The following LRIG2 variants were observed in gnomAD, a reference collection of about 807,000 sequenced individuals.
LRIG2 encodes leucine-rich repeats and immunoglobulin-like domains protein 2.
In LRIG2, 93 loss-of-function variants were observed where a neutral mutation model predicts 107.8. The observed-to-expected ratio is 0.86, with a 90% CI of 0.73 to 1.03. LRIG2 has a LOEUF of 1.03. Ranked by LOEUF, LRIG2 falls within the 50% of genes least tolerant of loss-of-function variation. The pLI is 0.00. For missense variants in LRIG2, 1,226 were observed against 1,296.0 expected (o/e 0.95, Z 0.83); for synonymous variants, 471 against 470.6 (o/e 1.00, Z -0.01).
intron 17 of LRIG2, 152 bp from the exon 18 acceptor site, chr1:113,123,723 G>GTT (rs139220276): frequency 0.067 from 36,717 of 544,354 alleles, 566 homozygotes; most frequent in South Asian, 0.085. Flanking sequence ...TCTGGTGGTG[G>GTT]TTTTTGTGTG....
chr1:113,097,449 C>T (rs2101039876), intron 8 of LRIG2, among the ~76,000 whole-genome samples: 1 of 152,068 alleles, frequency 6.6e-6, no homozygotes, highest in African/African-American at 2.4e-5. Context: ...TATATACATG[C>T]ACAGGTGTGT....
intron 1 of LRIG2, among the ~76,000 whole-genome samples, chr1:113,087,416 G>A (rs900035814): frequency 2.6e-5 from 4 of 152,062 alleles, no homozygotes; most frequent in Non-Finnish European, 2.9e-5. Flanking sequence ...TGGCACGATC[G>A]CAGCTCACTG....
intron 1 of LRIG2, among the ~76,000 whole-genome samples, chr1:113,090,875 A>G (rs1002687140): frequency 8.6e-5 from 13 of 150,980 alleles, no homozygotes; most frequent in Non-Finnish European, 1.5e-4. Flanking sequence ...TTTTTGAGAC[A>G]GAATCTTGCT....
chr1:113,081,514 G>A (rs1217883592), intron 1 of LRIG2, among the ~76,000 whole-genome samples: 3 of 151,924 alleles, frequency 2.0e-5, no homozygotes, highest in Non-Finnish European at 4.4e-5. Context: ...TAGTAGAGAC[G>A]GGGTTTCACC....
chr1:113,098,501 T>A (rs953825464), intron 8 of LRIG2, among the ~76,000 whole-genome samples: 1 of 151,994 alleles, frequency 6.6e-6, no homozygotes, highest in Admixed American at 6.5e-5. Flanking sequence ...AAGAATCAGT[T>A]CTTACGTGTT....
intron 8 of LRIG2, among the ~76,000 whole-genome samples, chr1:113,097,653 G>A (rs571813944): frequency 6.6e-6 from 1 of 152,166 alleles, no homozygotes; most frequent in East Asian, 1.9e-4. Context: ...ATTACTTTTA[G>A]AATTAAAGTT....
In LRIG2 at chr1:113,114,589, A is replaced by G. The variant is rs779163209; in HGVS notation, c.2243A>G (p.Asn748Ser). Residue 748 changes from asparagine (N) to serine (S), a missense_variant, in exon 15 of 18, where the codon AAT becomes AGT. Asn to Ser is a conservative substitution (Grantham distance 46). Around this residue, in one of 3 missense-constraint regions of LRIG2, gnomAD observed 642 missense variants for 712.2 expected, o/e 0.90. Coordinates refer to ENST00000361127, the MANE Select transcript of LRIG2 (RefSeq NM_014813.3). Reference protein sequence around the residue: ...VTERHFFAAANQLLIIVDAGL... With the variant: ...VTERHFFAAASQLLIIVDAGL... ...GAACGACATTTCTTTGCTGCAGCCAATCAGCTTCTCATCATTGTAGATGCC... is the reference window on the plus strand; with the variant it reads ...GAACGACATTTCTTTGCTGCAGCCAGTCAGCTTCTCATCATTGTAGATGCC... The G allele has an allele frequency of 4.3e-6, 7 of 1,613,970 alleles. No individual in the cohort carries two copies. Among genetic ancestry groups the G allele is most frequent in the South Asian group, 1.1e-5 (1 of 91,076 alleles).
Position 113,094,598 on chromosome 1 carries a change from T to G in LRIG2, c.660-14T>G, listed in dbSNP as rs572150866. 491 of 1,606,828 alleles carry G rather than the reference T, an allele frequency of 3.1e-4. 2 individuals are homozygous for G. In the South Asian group the frequency reaches 5.0e-3, roughly 16 times the overall value. On this transcript the variant is annotated splice_polypyrimidine_tract_variant and intron_variant, in intron 5 of 17. Transcript: ENST00000361127. ...CAAACCAATTTCCTGACTGTAAAAC[T>G]ATTTTTGTTAAAGGGAACTTAAAAG...
In LRIG2 at chr1:113,112,497, A is replaced by G; in HGVS notation, c.1817A>G (p.Lys606Arg). The G allele has an allele frequency of 1.3e-6, 2 of 1,595,058 alleles. No homozygotes were observed. The highest frequency in any genetic ancestry group is 1.1e-5 in the South Asian group (1 of 88,932). ...GAAACAGAGATGCCATCTTTTCTGA[A>G]AACGCCAATGGATCTGACTATTCGC... is the stretch of plus-strand genomic sequence containing the variant. ...LTVNEMPSFL[K>R]TPMDLTIRTG... The change falls in exon 14 of 18, where the codon AAA becomes AGA. Residue 606 changes from lysine (K) to arginine (R), a missense_variant. This residue lies in a region of LRIG2 where 642 missense variants were observed against 712.2 expected (regional missense o/e 0.90). Transcript: ENST00000361127.
At chr1:113,104,902 C>T (rs1364385694) in intron 11 of LRIG2, among the ~76,000 whole-genome samples, 2 of 152,126 alleles carry the variant, frequency 1.3e-5, no homozygotes, top group Non-Finnish European at 2.9e-5. Context: ...AATCCCAGTA[C>T]TTTGGGAGGC....
intron 11 of LRIG2, among the ~76,000 whole-genome samples, chr1:113,102,108 A>G (rs892728005): frequency 1.3e-5 from 2 of 152,214 alleles, no homozygotes; most frequent in East Asian, 1.9e-4. Context: ...ATGGCAAACC[A>G]TGTGAACACT....
At chr1:113,088,286 G>A (rs768621315) in intron 1 of LRIG2, among the ~76,000 whole-genome samples, 1 of 152,068 alleles carries the variant, frequency 6.6e-6, no homozygotes, top group Non-Finnish European at 1.5e-5. Flanking sequence ...GGTATCCTTT[G>A]GGTTGCATTG....
At position 113,099,093 on chromosome 1, in the gene LRIG2, T is replaced by C. The variant is rs187791992; in HGVS notation, c.1172+308T>C. On this transcript the variant is annotated intron_variant, in intron 9 of 17. Coordinates refer to ENST00000361127, the MANE Select transcript of LRIG2 (RefSeq NM_014813.3). ...CTTGGATTACAAGCGCATGCCACCA[T>C]GCCCAGCTAATTTTTGTATTTTTAG... Among the ~76,000 whole-genome samples, 1,446 of 152,092 alleles carry C rather than the reference T, an allele frequency of 9.5e-3. 33 individuals are homozygous for C. The highest frequency in any genetic ancestry group is 0.033 in the African/African-American group (1,363 of 41,502).
chr1:113,087,217 T>A (rs1229057126), intron 1 of LRIG2, among the ~76,000 whole-genome samples: 1 of 152,166 alleles, frequency 6.6e-6, no homozygotes, highest in Non-Finnish European at 1.5e-5. Flanking sequence ...TAAAAAAAAA[T>A]TATGCAAACC....
chr1:113,074,968 A>G (rs1462519474), intron 1 of LRIG2, among the ~76,000 whole-genome samples: 1 of 152,042 alleles, frequency 6.6e-6, no homozygotes, highest in Non-Finnish European at 1.5e-5. Context: ...TTGTAATCCC[A>G]GCACTCTGGG....
chr1:113,115,167 T>C (rs998857414), intron 15 of LRIG2, among the ~76,000 whole-genome samples: 1 of 152,222 alleles, frequency 6.6e-6, no homozygotes, highest in African/African-American at 2.4e-5. Context: ...TTCTTTGATA[T>C]AACAGAACCT....
chr1:113,079,103 C>G (rs975134386), intron 1 of LRIG2, among the ~76,000 whole-genome samples: 1 of 151,390 alleles, frequency 6.6e-6, no homozygotes. Flanking sequence ...CCAGCACTTT[C>G]GGAAGCTGAG....
intron 13 of LRIG2, among the ~76,000 whole-genome samples, chr1:113,111,531 T>C (rs1251186885): frequency 1.3e-5 from 2 of 152,196 alleles, no homozygotes; most frequent in African/African-American, 2.4e-5. Flanking sequence ...TATGCCTTTG[T>C]GTACTCATAC....
At position 113,124,089 on chromosome 1, in the gene LRIG2, T is replaced by C. The variant is rs909690409; in HGVS notation, c.3186T>C (p.Ser1062=). Residue 1062 remains serine, a synonymous_variant, in exon 18 of 18, where the codon AGT becomes AGC. Coordinates refer to ENST00000361127, the MANE Select transcript of LRIG2 (RefSeq NM_014813.3). ...GGACTCGGAACATTCAAGATGGTAGTGAGGGCACATGAAACTCACTTCAGG... is the reference window on the plus strand; with the variant it reads ...GGACTCGGAACATTCAAGATGGTAGCGAGGGCACATGAAACTCACTTCAGG... ...FSRTRNIQDG[S]EGT 1 of 1,614,046 alleles carries C rather than the reference T, an allele frequency of 6.2e-7. No individual in the cohort carries two copies. Among genetic ancestry groups the C allele is most frequent in the Non-Finnish European group, 8.5e-7 (1 of 1,179,932 alleles).
Sources: allele counts gnomAD v4.1 joint callset (sites outside exome capture counted in the v4.1 genomes callset), GRCh38; gene constraint gnomAD v4.1.1; regional missense constraint gnomAD v4.1.1; transcripts MANE v1.5; gene names NCBI Gene and HGNC (gene_info 2026-07-23, HGNC 2026-07-21).